GALNT10: variants seen among roughly 807,000 people sequenced by gnomAD.
GALNT10 encodes the protein polypeptide N-acetylgalactosaminyltransferase 10, also known as GalNAc transferase 10.
Under a neutral mutation model 75.0 loss-of-function variants are expected in GALNT10, and 41 were observed. The observed-to-expected ratio is 0.55, with a 90% CI of 0.43 to 0.71. The LOEUF (loss-of-function observed/expected upper bound fraction) is 0.71. GALNT10 is among the 30% of genes least tolerant of loss of function. The pLI, the probability that GALNT10 is intolerant of heterozygous loss-of-function variation, is 0.00. For missense variants in GALNT10, 727 were observed against 818.5 expected (o/e 0.89, Z 1.36); for synonymous variants, 302 against 313.0 (o/e 0.96, Z 0.37).
chr5:154,390,223 C>G (rs969327541), intron 7 of GALNT10, among the ~76,000 whole-genome samples: 1 of 152,206 alleles, frequency 6.6e-6, no homozygotes, highest in Non-Finnish European at 1.5e-5. Flanking sequence ...GTGCAGCTCT[C>G]TGGAAAAATG....
intron 4 of GALNT10, among the ~76,000 whole-genome samples, chr5:154,371,537 A>AGT (rs757305979): frequency 0.029 from 2,022 of 70,862 alleles, 24 homozygotes; most frequent in South Asian, 0.094. Context: ...GACACACCAC[A>AGT]GTGTGTGTGT....
At chr5:154,370,803 C>T (rs1035886535) in intron 4 of GALNT10, among the ~76,000 whole-genome samples, 1 of 152,172 alleles carries the variant, frequency 6.6e-6, no homozygotes, top group Non-Finnish European at 1.5e-5. Context: ...TTAAAGACTG[C>T]TCGAACTGCT....
In GALNT10 at chr5:154,294,922, C is replaced by T. The variant is rs374460935; in HGVS notation, c.262+4C>T. The T allele has an allele frequency of 1.4e-5, 21 of 1,457,130 alleles. No individual in the cohort carries two copies. The highest frequency in any genetic ancestry group is 5.6e-5 in the African/African-American group (4 of 71,786). 90.3% of individuals were successfully genotyped at this position (1,457,130 alleles called of 1,614,324 possible). On this transcript the variant is annotated splice_donor_region_variant and intron_variant, in intron 2 of 11. Transcript: ENST00000297107. ...CGGAGGGACGCTCAGCGCGTAGGTA[C>T]GGAGGGCAGGATTGGCCATGGGTGG...
chr5:154,395,936 G>T (rs1756008491), intron 7 of GALNT10, among the ~76,000 whole-genome samples: 1 of 152,192 alleles, frequency 6.6e-6, no homozygotes, highest in African/African-American at 2.4e-5. Flanking sequence ...GTTTCAACAT[G>T]CCCTGCAGGT....
chr5:154,414,518 CT>C (rs1324820028), intron 10 of GALNT10, among the ~76,000 whole-genome samples: 1 of 152,168 alleles, frequency 6.6e-6, no homozygotes, highest in African/African-American at 2.4e-5. Flanking sequence ...ATAGAAAATT[CT>C]AGAAATTGCA....
chr5:154,307,769 A>G (rs35227708), intron 3 of GALNT10, among the ~76,000 whole-genome samples: 65,598 of 151,294 alleles, frequency 0.43, 14,906 homozygotes, highest in African/African-American at 0.53. Context: ...ACAGACCAAT[A>G]TCCCTCATGA....
chr5:154,327,093 C>T (rs1754766467), intron 3 of GALNT10, among the ~76,000 whole-genome samples: 1 of 151,970 alleles, frequency 6.6e-6, no homozygotes, highest in African/African-American at 2.4e-5. Flanking sequence ...GTGGCGTGCA[C>T]CTGTAGTCCC....
intron 5 of GALNT10, among the ~76,000 whole-genome samples, chr5:154,379,933 G>A (rs889390346): frequency 9.8e-5 from 15 of 152,290 alleles, no homozygotes; most frequent in South Asian, 2.1e-4. Context: ...TACAGCCTAG[G>A]GTGCCAGTGA....
At chr5:154,271,665 A>G (rs762124512) in intron 1 of GALNT10, among the ~76,000 whole-genome samples, 13 of 152,178 alleles carry the variant, frequency 8.5e-5, no homozygotes, top group Admixed American at 3.3e-4. Context: ...GAGCCTTGAC[A>G]TATTTTAGAC....
At chr5:154,208,986 A>G (rs1775152737) in intron 1 of GALNT10, among the ~76,000 whole-genome samples, 2 of 152,186 alleles carry the variant, frequency 1.3e-5, no homozygotes, top group African/African-American at 4.8e-5. Context: ...CACCCCAGCA[A>G]AGTTCACAGG....
intron 1 of GALNT10, among the ~76,000 whole-genome samples, chr5:154,270,520 G>T (rs1753845686): frequency 6.6e-6 from 1 of 152,018 alleles, no homozygotes; most frequent in Admixed American, 6.6e-5. Context: ...TGTCACGGGT[G>T]ACCCAGTTCA....
In GALNT10 at chr5:154,214,602, T is replaced by A. The variant is rs184934110; in HGVS notation, c.159+23577T>A. On this transcript the variant is annotated intron_variant, in intron 1 of 11. Coordinates refer to ENST00000297107, the MANE Select transcript of GALNT10 (RefSeq NM_198321.4). ...GTTCAGATATGCATGAACCATTTTT[T>A]AAAAAATTATTGCACAACTCAGTAT... Among the ~76,000 whole-genome samples, 195 of 152,324 alleles carry A rather than the reference T, an allele frequency of 1.3e-3. 2 individuals are homozygous for A. In the Middle Eastern group the frequency reaches 0.024, roughly 19 times the overall value.
At position 154,417,204 on chromosome 5, in the gene GALNT10, C is replaced by T; in HGVS notation, c.*232C>T. 1 of 533,800 alleles carries T rather than the reference C, an allele frequency of 1.9e-6. No homozygotes were observed. The highest frequency in any genetic ancestry group is 3.4e-6 in the Non-Finnish European group (1 of 297,456). The allele number at this position is 533,800 out of a possible 1,614,324, so 33.1% of individuals were successfully genotyped here. On this transcript the variant is annotated 3_prime_UTR_variant, in exon 12 of 12. Transcript: ENST00000297107. ...CAAGAGGCCCCACAGGGAGCAGAGACTGCTTTAATCCCTGCTGACATCACG... is the reference window on the plus strand; with the variant it reads ...CAAGAGGCCCCACAGGGAGCAGAGATTGCTTTAATCCCTGCTGACATCACG...
At chr5:154,393,067 A>AAAAAAC (rs34114765) in intron 7 of GALNT10, 8 of 116,558 alleles carry the variant, frequency 6.9e-5, no homozygotes, top group African/African-American at 2.2e-4. Flanking sequence ...CAAAAAAAAA[A>AAAAAAC]AAAAAAAAAA....
intron 1 of GALNT10, among the ~76,000 whole-genome samples, chr5:154,284,461 T>G (rs1754084989): frequency 1.3e-5 from 2 of 152,334 alleles, no homozygotes; most frequent in South Asian, 4.1e-4. Context: ...AGGATGTGTT[T>G]GCAGTCATTT....
chr5:154,382,817 T>C (rs1755753195), intron 6 of GALNT10, among the ~76,000 whole-genome samples: 1 of 152,194 alleles, frequency 6.6e-6, no homozygotes, highest in African/African-American at 2.4e-5. Context: ...GTTATCCTCA[T>C]TGCACAGTAA....
rs370969922 is a variant in GALNT10, at chr5:154,294,829, G to A, written c.173G>A (p.Arg58Gln). 19 of 1,591,234 alleles carry A rather than the reference G, an allele frequency of 1.2e-5. No homozygotes were observed. Among genetic ancestry groups the A allele is most frequent in the Admixed American group, 3.3e-5 (2 of 59,936 alleles). The change falls in exon 2 of 12, where the codon CGA becomes CAA. Residue 58 changes from arginine to glutamine, a missense_variant. Physicochemically the swap from Arg to Gln is conservative, Grantham distance 43. Transcript: ENST00000297107. ...APAAGQGSHSRQKKTFFLGDG... is the reference protein window; with the variant it reads ...APAAGQGSHSQQKKTFFLGDG... ...TCTTTTTTTAAGGGCTCACACAGTC[G>A]ACAAAAGAAAACGTTTTTCTTGGGA...
intron 1 of GALNT10, among the ~76,000 whole-genome samples, chr5:154,203,558 C>T (rs1448183299): frequency 6.6e-6 from 1 of 152,178 alleles, no homozygotes; most frequent in Non-Finnish European, 1.5e-5. Context: ...TTTCAGGTAC[C>T]TCTGAAATCT....
intron 3 of GALNT10, among the ~76,000 whole-genome samples, chr5:154,318,231 T>C (rs1235537922): frequency 6.6e-6 from 1 of 152,220 alleles, no homozygotes; most frequent in African/African-American, 2.4e-5. Context: ...AAATGCAGAC[T>C]TGCCCATTCC....
Sources: allele counts gnomAD v4.1 joint callset (sites outside exome capture counted in the v4.1 genomes callset), GRCh38; gene constraint gnomAD v4.1.1; transcripts MANE v1.5; gene names NCBI Gene and HGNC (gene_info 2026-07-23, HGNC 2026-07-21).